The following CCDC146 variants were observed in gnomAD, a reference collection of about 807,000 sequenced individuals.
CCDC146 encodes the protein coiled-coil domain-containing protein 146.
A neutral mutation model predicts 119.3 loss-of-function variants in CCDC146; 92 were observed. The ratio of observed to expected loss-of-function variants is 0.77; its 90% CI spans 0.65 to 0.92. The LOEUF (loss-of-function observed/expected upper bound fraction) is 0.92, where lower values mean the gene tolerates loss of function less well. Among genes scored for constraint, CCDC146 ranks in the 40% least tolerant of loss-of-function variants. The pLI is 0.00. For synonymous variants in CCDC146, 372 were observed against 371.8 expected, an observed-to-expected ratio of 1.00 and a Z score of -0.01; for missense variants, 1,000 against 1,103.0, an observed-to-expected ratio of 0.91 and a Z score of 1.32.
chr7:77,187,203 A>G (rs1188868354), intron 2 of CCDC146, among the ~76,000 whole-genome samples: 3 of 152,186 alleles, frequency 2.0e-5, no homozygotes, highest in African/African-American at 7.2e-5. Flanking sequence ...TTTGAAACCC[A>G]CTGGGAAGCA....
intron 9 of CCDC146, among the ~76,000 whole-genome samples, chr7:77,272,166 A>G (rs1272929397): frequency 6.6e-6 from 1 of 152,218 alleles, no homozygotes; most frequent in African/African-American, 2.4e-5. Flanking sequence ...TCAATTCTAT[A>G]CTGAGTTCTC....
Position 77,254,543 on chromosome 7 carries a change from G to C in CCDC146, c.487G>C (p.Glu163Gln). The C allele has an allele frequency of 5.2e-6, 8 of 1,536,666 alleles. No homozygotes were observed. Among genetic ancestry groups the C allele is most frequent in the Non-Finnish European group, 7.2e-6 (8 of 1,115,434 alleles). Residue 163 changes from glutamate to glutamine, a missense_variant, in exon 5 of 19, where the codon GAG (glutamate) becomes CAG (glutamine). Glu to Gln is a conservative substitution (Grantham distance 29). Coordinates refer to ENST00000285871, the MANE Select transcript of CCDC146 (RefSeq NM_020879.3). The stretch of plus-strand genomic sequence containing the variant: ...AAAAATCATCATAGTAAAAGAATTT[G>C]AGAAGATAACAAAGCCAGGAGTAAG... ...EEKIIIVKEFEKITKPGEMEK... is the reference protein window; with the variant it reads ...EEKIIIVKEFQKITKPGEMEK...
intron 4 of CCDC146, among the ~76,000 whole-genome samples, chr7:77,249,499 A>AG (rs1793017643): frequency 6.6e-6 from 1 of 151,828 alleles, no homozygotes. Context: ...AAAAAAAAAA[A>AG]AAAAAAAAGA....
chr7:77,181,887 TC>T (rs1301552022), intron 2 of CCDC146, among the ~76,000 whole-genome samples: 1 of 152,228 alleles, frequency 6.6e-6, no homozygotes, highest in Admixed American at 6.5e-5. Context: ...TAAATACGTC[TC>T]CTGTGTTTTT....
At chr7:77,287,195 T>C in intron 16 of CCDC146, 2 of 595,802 alleles carry the variant, frequency 3.4e-6, no homozygotes, top group Non-Finnish European at 5.9e-6. Context: ...ATGGATTAAT[T>C]TGTCTTCCTG....
At chr7:77,126,558 G>A (rs1790691912) in intron 1 of CCDC146, among the ~76,000 whole-genome samples, 1 of 152,046 alleles carries the variant, frequency 6.6e-6, no homozygotes, top group African/African-American at 2.4e-5. Flanking sequence ...GGAGAGGGTA[G>A]CTCCTCTCTA....
chr7:77,269,291 T>C (rs1487147993), intron 9 of CCDC146, among the ~76,000 whole-genome samples: 1 of 152,138 alleles, frequency 6.6e-6, no homozygotes, highest in Non-Finnish European at 1.5e-5. Context: ...ATGTTTCTTT[T>C]TCATAGTATC....
intron 1 of CCDC146, among the ~76,000 whole-genome samples, chr7:77,131,471 A>T (rs1790784345): frequency 1.3e-5 from 2 of 152,054 alleles, no homozygotes; most frequent in South Asian, 4.1e-4. Flanking sequence ...TAATCTCAGC[A>T]CTTTGGGAGG....
chr7:77,285,336 A>G (rs1793829634), intron 15 of CCDC146, among the ~76,000 whole-genome samples: 1 of 152,256 alleles, frequency 6.6e-6, no homozygotes, highest in South Asian at 2.1e-4. Flanking sequence ...TAATAAATAC[A>G]ACAAATGCTT....
chr7:77,181,204 T>G (rs1299068286), intron 2 of CCDC146, among the ~76,000 whole-genome samples: 1 of 151,914 alleles, frequency 6.6e-6, no homozygotes, highest in African/African-American at 2.4e-5. Context: ...GCAAGAGCCT[T>G]TATTGTGGTT....
intron 14 of CCDC146, 125 bp from the exon 15 acceptor site, chr7:77,282,432 C>T: frequency 1.5e-6 from 1 of 645,668 alleles, no homozygotes; most frequent in East Asian, 2.7e-5. Flanking sequence ...TGGTGACTAT[C>T]TGTGATCCTC....
rs200085661 is a variant in CCDC146, at chr7:77,276,210, AT to A, written c.1440+1559del. 2.3e-3 allele frequency among the ~76,000 whole-genome samples: 346 copies of A among 150,236 alleles called. 10 individuals are homozygous for A. The highest frequency in any genetic ancestry group is 4.0e-3 in the Non-Finnish European group (271 of 67,412). On this transcript the variant is annotated intron_variant, in intron 11 of 18. Coordinates refer to ENST00000285871, the MANE Select transcript of CCDC146 (RefSeq NM_020879.3). ...GACAGAGCGAGACTTCCTCTCAAAA[AT>A]AAAAAAAAAAAAGAATTTATCTCAT... is the stretch of plus-strand genomic sequence containing the variant.
At chr7:77,269,851 G>A (rs1793476867) in intron 9 of CCDC146, among the ~76,000 whole-genome samples, 1 of 152,122 alleles carries the variant, frequency 6.6e-6, no homozygotes, top group South Asian at 2.1e-4. Context: ...TTTATAATTA[G>A]CCCAGCCACT....
chr7:77,214,276 C>T (rs1792257944), intron 2 of CCDC146, among the ~76,000 whole-genome samples: 1 of 151,976 alleles, frequency 6.6e-6, no homozygotes, highest in Non-Finnish European at 1.5e-5. Flanking sequence ...CTGTTCATGT[C>T]CTTTGCCCAC....
intron 1 of CCDC146, among the ~76,000 whole-genome samples, chr7:77,138,509 C>A (rs542195061): frequency 1.6e-4 from 24 of 152,114 alleles, no homozygotes; most frequent in African/African-American, 5.8e-4. Context: ...AAGCATGATC[C>A]ATTAAAGAAA....
chr7:77,218,231 A>G (rs544391968), intron 2 of CCDC146, among the ~76,000 whole-genome samples: 1 of 151,920 alleles, frequency 6.6e-6, no homozygotes, highest in East Asian at 1.9e-4. Flanking sequence ...ATGTGTGTAT[A>G]TTTATATACC....
intron 2 of CCDC146, among the ~76,000 whole-genome samples, chr7:77,168,088 C>T (rs1362768028): frequency 7.2e-5 from 11 of 152,260 alleles, no homozygotes; most frequent in African/African-American, 1.9e-4. Context: ...ACATACATTT[C>T]GTGGGTTGGT....
intron 1 of CCDC146, among the ~76,000 whole-genome samples, chr7:77,154,521 G>T (rs1414386876): frequency 7.3e-6 from 1 of 137,356 alleles, no homozygotes; most frequent in African/African-American, 2.8e-5. Context: ...TGTTCTCATT[G>T]TTCAATTCCC....
intron 2 of CCDC146, among the ~76,000 whole-genome samples, chr7:77,202,072 A>G (rs771540883): frequency 6.6e-6 from 1 of 152,260 alleles, no homozygotes; most frequent in Non-Finnish European, 1.5e-5. Context: ...ACTCAGCACT[A>G]TGCTAGAGCA....
Sources: gnomAD v4.1 joint callset for allele counts (sites outside exome capture counted in the v4.1 genomes callset) on GRCh38, gnomAD v4.1.1 for gene constraint, MANE v1.5 for transcripts, NCBI Gene and HGNC (gene_info 2026-07-23, HGNC 2026-07-21) for gene names.